CCDC178: variants seen among roughly 807,000 people sequenced by gnomAD.
The protein encoded by CCDC178 is coiled-coil domain-containing protein 178.
A neutral mutation model predicts 117.4 loss-of-function variants in CCDC178; 126 were observed. The ratio of observed to expected loss-of-function variants is 1.07; its 90% CI spans 0.93 to 1.24. The LOEUF (loss-of-function observed/expected upper bound fraction) is 1.24. CCDC178 is among the 50% of genes most tolerant of loss of function. The pLI, the probability that CCDC178 is intolerant of heterozygous loss-of-function variation, is 0.00. For missense variants in CCDC178, 1,030 were observed against 986.9 expected (o/e 1.04, Z -0.59); for synonymous variants, 283 against 313.4 (o/e 0.90, Z 1.02).
chr18:33,312,945 A>G (rs945810007), intron 11 of CCDC178, among the ~76,000 whole-genome samples: 1 of 152,094 alleles, frequency 6.6e-6, no homozygotes, highest in African/African-American at 2.4e-5. Flanking sequence ...AAGTAAACCT[A>G]TTAAAAATGG....
chr18:32,975,081 A>G (rs1302935393), intron 21 of CCDC178, among the ~76,000 whole-genome samples: 2 of 152,204 alleles, frequency 1.3e-5, no homozygotes, highest in Non-Finnish European at 2.9e-5. Flanking sequence ...CATCAGGTCA[A>G]GCCAAAGTTT....
chr18:33,233,091 G>T (rs373696974), intron 15 of CCDC178, among the ~76,000 whole-genome samples: 2 of 152,102 alleles, frequency 1.3e-5, no homozygotes, highest in South Asian at 4.1e-4. Context: ...AACAATTATT[G>T]TTGACCTCAT....
chr18:33,397,107 A>G (rs1264111561), intron 4 of CCDC178, 42 bp downstream of exon 4: 5 of 1,277,704 alleles, frequency 3.9e-6, no homozygotes, highest in Non-Finnish European at 4.4e-6. Flanking sequence ...AATATGTGAC[A>G]GAAAAAAGAG....
intron 21 of CCDC178, among the ~76,000 whole-genome samples, chr18:33,055,040 C>T (rs368320661): frequency 1.8e-4 from 28 of 152,176 alleles, no homozygotes; most frequent in African/African-American, 6.8e-4. Flanking sequence ...AGATGTCGAG[C>T]ATTTTTTCAT....
intron 2 of CCDC178, among the ~76,000 whole-genome samples, chr18:33,435,530 A>G (rs1157341760): frequency 6.6e-6 from 1 of 152,006 alleles, no homozygotes; most frequent in Non-Finnish European, 1.5e-5. Context: ...AACTACTTCA[A>G]ATCTTTTGTA....
chr18:33,101,704 G>A (rs1417324997), intron 20 of CCDC178, among the ~76,000 whole-genome samples: 2 of 151,864 alleles, frequency 1.3e-5, no homozygotes, highest in African/African-American at 4.8e-5. Context: ...AAGTAATAAT[G>A]TACTGTATAA....
intron 21 of CCDC178, among the ~76,000 whole-genome samples, chr18:33,057,743 C>T (rs534294189): frequency 5.9e-5 from 9 of 152,248 alleles, no homozygotes; most frequent in African/African-American, 1.7e-4. Context: ...ATTTGCCCAC[C>T]TCGGCCTCCC....
At chr18:33,219,823 T>C (rs1484722476) in intron 18 of CCDC178, among the ~76,000 whole-genome samples, 2 of 151,902 alleles carry the variant, frequency 1.3e-5, no homozygotes, top group Non-Finnish European at 2.9e-5. Context: ...ATACCTAATG[T>C]AAATGACGAG....
intron 22 of CCDC178, among the ~76,000 whole-genome samples, chr18:32,965,225 TGTCA>T (rs1261041954): frequency 6.6e-6 from 1 of 151,998 alleles, no homozygotes; most frequent in Non-Finnish European, 1.5e-5. Flanking sequence ...AAAAATTCTG[TGTCA>T]GTAAGTGTGC....
intron 21 of CCDC178, among the ~76,000 whole-genome samples, chr18:33,088,205 T>C (rs960632759): frequency 1.2e-4 from 18 of 152,168 alleles, no homozygotes; most frequent in Middle Eastern, 3.2e-3. Context: ...GTCAGCTTTA[T>C]AGTAAATCTT....
chr18:33,318,758 T>C (rs894790307), intron 11 of CCDC178, among the ~76,000 whole-genome samples: 1 of 152,020 alleles, frequency 6.6e-6, no homozygotes, highest in Non-Finnish European at 1.5e-5. Context: ...AACAAAGAGA[T>C]GGTCTTAAAA....
chr18:33,264,477 T>C (rs1042868561), intron 14 of CCDC178, among the ~76,000 whole-genome samples: 2 of 152,192 alleles, frequency 1.3e-5, no homozygotes, highest in East Asian at 1.9e-4. Context: ...TTCAGCACCA[T>C]GTAATCCGCT....
At chr18:33,032,470 T>C (rs2056361609) in intron 21 of CCDC178, among the ~76,000 whole-genome samples, 1 of 152,124 alleles carries the variant, frequency 6.6e-6, no homozygotes. Flanking sequence ...AGGCGAATCT[T>C]AGAGCTATCT....
chr18:33,173,313 G>C (rs1472940649), intron 20 of CCDC178, among the ~76,000 whole-genome samples: 1 of 152,134 alleles, frequency 6.6e-6, no homozygotes, highest in Non-Finnish European at 1.5e-5. Flanking sequence ...GCCTCCCAAA[G>C]TGCTGGGATT....
chr18:33,395,790 A>G lies in CCDC178; in HGVS notation c.118+1359T>C, dbSNP rs75764307. ...GTACAGAGTCAAAGTAATCAAACAC[A>G]AAACAAAGGTAGACACCATAACTTA... On this transcript the variant is annotated intron_variant, in intron 4 of 22. Transcript: ENST00000383096. Among the ~76,000 whole-genome samples the G allele has an allele frequency of 9.8e-3, 1,492 of 152,216 alleles. 24 individuals are homozygous for G. Among genetic ancestry groups the G allele is most frequent in the African/African-American group, 0.034 (1,396 of 41,546 alleles).
chr18:33,245,309 T>C lies in CCDC178; in HGVS notation c.1529A>G (p.His510Arg), dbSNP rs151243877. The C allele has an allele frequency of 8.5e-5, 136 of 1,606,708 alleles. No individual in the cohort carries two copies. The African/African-American group carries it at 1.5e-3, about 18-fold the overall frequency. ...KEAYRIGTLF[H>R]LTKHKTDEME... The stretch of plus-strand genomic sequence containing the variant: ...TTCATCTGTCTTGTGTTTGGTTAGG[T>C]GGAAAAGAGTACCAATGCGATAAGC... The change falls in exon 15 of 23, where the codon CAC (histidine) becomes CGC (arginine). Residue 510 changes from histidine (H) to arginine (R), a missense_variant. His to Arg is a conservative substitution (Grantham distance 29, BLOSUM62 0). Transcript: ENST00000383096.
chr18:33,097,466 T>C (rs2057560110), intron 20 of CCDC178, among the ~76,000 whole-genome samples: 1 of 152,132 alleles, frequency 6.6e-6, no homozygotes, highest in South Asian at 2.1e-4. Flanking sequence ...ATCATAAGCA[T>C]AGTCATTTTA....
At chr18:33,318,927 G>A (rs1268692560) in intron 11 of CCDC178, among the ~76,000 whole-genome samples, 1 of 151,956 alleles carries the variant, frequency 6.6e-6, no homozygotes, top group African/African-American at 2.4e-5. Flanking sequence ...AATTCTACAA[G>A]AAAAGAAAAT....
chr18:33,330,242 T>C (rs1054317391), intron 10 of CCDC178, among the ~76,000 whole-genome samples: 13 of 152,202 alleles, frequency 8.5e-5, no homozygotes, highest in African/African-American at 3.1e-4. Flanking sequence ...ATATCACTTT[T>C]CTTCTACCTT....
Sources: allele counts gnomAD v4.1 joint callset (sites outside exome capture counted in the v4.1 genomes callset), GRCh38; gene constraint gnomAD v4.1.1; transcripts MANE v1.5; gene names NCBI Gene and HGNC (gene_info 2026-07-23, HGNC 2026-07-21).